Variants in MACROH2A2 observed in about 807,000 individuals in gnomAD.
MACROH2A2 encodes macroH2A.2 histone, also known as core histone macro-H2A.2.
MACROH2A2 carries 6 observed loss-of-function variants against 37.6 expected under a neutral mutation model. That is an observed-to-expected ratio of 0.16 (90% CI 0.09 to 0.32). MACROH2A2 has a LOEUF of 0.32. Among genes scored for constraint, MACROH2A2 ranks in the 10% least tolerant of loss-of-function variants. MACROH2A2 has a pLI of 1.00. For synonymous variants in MACROH2A2, 192 were observed against 202.7 expected (o/e 0.95, Z 0.45); for missense variants, 290 against 485.9 (o/e 0.60, Z 3.79).
intron 7 of MACROH2A2, among the ~76,000 whole-genome samples, chr10:70,105,766 C>T (rs10999140): frequency 0.019 from 2,896 of 152,006 alleles, 131 homozygotes; most frequent in East Asian, 0.16. Context: ...GAAAATGAAG[C>T]ACATGGGCCT....
At chr10:70,070,487 G>A (rs2072102671) in intron 1 of MACROH2A2, among the ~76,000 whole-genome samples, 1 of 151,810 alleles carries the variant, frequency 6.6e-6, no homozygotes, top group Non-Finnish European at 1.5e-5. Context: ...TGAGTGTTGA[G>A]TTTTGTTTGT....
intron 1 of MACROH2A2, among the ~76,000 whole-genome samples, chr10:70,067,914 C>T (rs565898865): frequency 6.6e-6 from 1 of 152,270 alleles, no homozygotes; most frequent in Admixed American, 6.5e-5. Flanking sequence ...GTTAAGGCCT[C>T]ATCCTTCTTT....
chr10:70,053,456 G>T lies in MACROH2A2; in HGVS notation c.-60+456G>T, dbSNP rs1281767344. ...GGCTGCGCAGGGCCCGAGGGAGCCC[G>T]GGGAGGGCCGCTCGGGGGCCTCTGA... On this transcript the variant is annotated intron_variant, in intron 1 of 8. Transcript: ENST00000373255. This position sits in a 1 kb window ranked among gnomAD's most constrained non-coding sequence, Gnocchi z 4.8. Among the ~76,000 whole-genome samples, 1 of 151,700 alleles carries T rather than the reference G, an allele frequency of 6.6e-6. No homozygotes were observed. Among genetic ancestry groups the T allele is most frequent in the Admixed American group, 6.5e-5 (1 of 15,284 alleles).
chr10:70,053,563 G>C lies in MACROH2A2; in HGVS notation c.-60+563G>C, dbSNP rs2071989880. On this transcript the variant is annotated intron_variant, in intron 1 of 8. Transcript: ENST00000373255. This position sits in a 1 kb window ranked among gnomAD's most constrained non-coding sequence, Gnocchi z 4.8. ...AGCCGGGCGGAGGTTAGGGACCCGAGTCCGGGGGCGGGCCGCGCCGGGGAA... is the reference window on the plus strand; with the variant it reads ...AGCCGGGCGGAGGTTAGGGACCCGACTCCGGGGGCGGGCCGCGCCGGGGAA... 6.6e-6 allele frequency among the ~76,000 whole-genome samples: 1 copy of C among 151,696 alleles called. No homozygotes were observed. Among genetic ancestry groups the C allele is most frequent in the Admixed American group, 6.6e-5 (1 of 15,240 alleles).
intron 7 of MACROH2A2, among the ~76,000 whole-genome samples, chr10:70,101,677 G>A (rs1453575540): frequency 1.3e-5 from 2 of 152,124 alleles, no homozygotes; most frequent in Non-Finnish European, 2.9e-5. Flanking sequence ...CTCAGGCCCT[G>A]GCAAGCACTA....
intron 2 of MACROH2A2, 113 bp from the exon 3 acceptor site, chr10:70,089,947 C>A: frequency 1.3e-6 from 1 of 758,052 alleles, no homozygotes; most frequent in South Asian, 1.5e-5. Context: ...CAGGCCGAGA[C>A]ATAGAAATCA....
intron 2 of MACROH2A2, among the ~76,000 whole-genome samples, chr10:70,076,084 C>A (rs1048666675): frequency 6.6e-6 from 1 of 152,144 alleles, no homozygotes; most frequent in East Asian, 1.9e-4. Flanking sequence ...AGTGGCCCTC[C>A]TAGACCAGTC....
At chr10:70,074,254 A>AGT (rs756421929) in intron 1 of MACROH2A2, among the ~76,000 whole-genome samples, 9 of 152,238 alleles carry the variant, frequency 5.9e-5, no homozygotes, top group Non-Finnish European at 1.0e-4. Context: ...CTTAAGCAAC[A>AGT]GTGAATGTTT....
At chr10:70,099,687 C>A (rs1215835133) in intron 6 of MACROH2A2, 1 of 125,632 alleles carries the variant, frequency 8.0e-6, no homozygotes, top group Non-Finnish European at 1.7e-5. Flanking sequence ...ACATCAAAGG[C>A]TCAGGGCATC....
At position 70,053,816 on chromosome 10, in the gene MACROH2A2, G is replaced by A. The variant is rs541273752; in HGVS notation, c.-60+816G>A. On this transcript the variant is annotated intron_variant, in intron 1 of 8. Transcript: ENST00000373255. This position sits in a 1 kb window ranked among gnomAD's most constrained non-coding sequence, Gnocchi z 4.8. ...GCCTGGGCAGTCTGGCTCCCGCTTT[G>A]CGCGGGAAAAAATAATAATAATAAA... 1.4e-4 allele frequency among the ~76,000 whole-genome samples: 22 copies of A among 152,140 alleles called. No individual in the cohort carries two copies. The highest frequency in any genetic ancestry group is 3.4e-3 in the Middle Eastern group (1 of 292).
In MACROH2A2 at chr10:70,075,785, G is replaced by C. The variant is rs772252253; in HGVS notation, c.127G>C (p.Val43Leu). 2 of 1,613,860 alleles carry C rather than the reference G, an allele frequency of 1.2e-6. No individual in the cohort carries two copies. Among genetic ancestry groups the C allele is most frequent in the African/African-American group, 1.3e-5 (1 of 74,900 alleles). The change falls in exon 2 of 9, where the codon GTG becomes CTG. Residue 43 changes from valine (V) to leucine (L), a missense_variant. Around this residue, in one of 3 missense-constraint regions of MACROH2A2, gnomAD observed 83 missense variants for 159.9 expected, o/e 0.52. Coordinates refer to ENST00000373255, the MANE Select transcript of MACROH2A2 (RefSeq NM_018649.3). The surrounding 1 kb of genome is among the most constrained non-coding windows in gnomAD (Gnocchi z 5.0). ...AGGGACGTTCAAGTACCGGATCAGCGTGGGCGCCCCTGTCTACATGGCGGC... is the reference window on the plus strand; with the variant it reads ...AGGGACGTTCAAGTACCGGATCAGCCTGGGCGCCCCTGTCTACATGGCGGC... The part of the protein sequence containing the change: ...KKGTFKYRIS[V>L]GAPVYMAAVI...
intron 7 of MACROH2A2, among the ~76,000 whole-genome samples, chr10:70,102,989 AT>A (rs11297465): frequency 0.24 from 35,821 of 151,778 alleles, 5,677 homozygotes; most frequent in African/African-American, 0.44. Flanking sequence ...TTCACTTTGT[AT>A]CAGAGTATAA....
intron 7 of MACROH2A2, among the ~76,000 whole-genome samples, chr10:70,108,073 T>A (rs535340670): frequency 6.6e-6 from 1 of 151,988 alleles, no homozygotes; most frequent in Non-Finnish European, 1.5e-5. Context: ...TTTTAAAAAT[T>A]AGCACATGCC....
chr10:70,070,584 T>A (rs902109801), intron 1 of MACROH2A2, among the ~76,000 whole-genome samples: 1 of 152,132 alleles, frequency 6.6e-6, no homozygotes, highest in African/African-American at 2.4e-5. Flanking sequence ...CTCCTCCTCC[T>A]GGGTTCAAGT....
chr10:70,074,788 A>C (rs748633078), intron 1 of MACROH2A2, among the ~76,000 whole-genome samples: 7 of 152,192 alleles, frequency 4.6e-5, no homozygotes, highest in Non-Finnish European at 8.8e-5. Context: ...AGGCCTCCCC[A>C]GCCACGTGGA....
chr10:70,110,757 C>T (rs1325091716), intron 8 of MACROH2A2, among the ~76,000 whole-genome samples: 4 of 151,828 alleles, frequency 2.6e-5, no homozygotes, highest in South Asian at 4.2e-4. Flanking sequence ...TATAGGCACA[C>T]GCCTTTAGTC....
chr10:70,074,067 C>T (rs1203211883), intron 1 of MACROH2A2, among the ~76,000 whole-genome samples: 1 of 152,166 alleles, frequency 6.6e-6, no homozygotes, highest in Non-Finnish European at 1.5e-5. Flanking sequence ...CCGTTTGTCC[C>T]TTGTAATTTG....
At chr10:70,111,124 C>T (rs2072370440) in intron 8 of MACROH2A2, among the ~76,000 whole-genome samples, 1 of 152,118 alleles carries the variant, frequency 6.6e-6, no homozygotes, top group East Asian at 1.9e-4. Context: ...CAAAAATTAG[C>T]CAGGCATGAT....
At chr10:70,089,937 C>T in intron 2 of MACROH2A2, 123 bp from the exon 3 acceptor site, 2 of 724,852 alleles carry the variant, frequency 2.8e-6, no homozygotes, top group Admixed American at 4.0e-5. Context: ...GATTTCTTTC[C>T]AGGCCGAGAC....
Sources: allele counts gnomAD v4.1 joint callset (sites outside exome capture counted in the v4.1 genomes callset), GRCh38; gene constraint gnomAD v4.1.1; regional missense constraint gnomAD v4.1.1; non-coding constraint Gnocchi (gnomAD v3.1); transcripts MANE v1.5; gene names NCBI Gene and HGNC (gene_info 2026-07-23, HGNC 2026-07-21).